LAMA1: variants seen among roughly 807,000 people sequenced by gnomAD.
The protein encoded by LAMA1 is laminin subunit alpha 1, also known as laminin subunit alpha-1.
In LAMA1, 219 loss-of-function variants were observed where a neutral mutation model predicts 348.7. The observed-to-expected ratio is 0.63, with a 90% CI of 0.56 to 0.70. The LOEUF is 0.70. LAMA1 is among the 30% of genes least tolerant of loss of function. The pLI, the probability that LAMA1 is intolerant of heterozygous loss-of-function variation, is 0.00. For synonymous variants in LAMA1, 1,487 were observed against 1,491.0 expected (o/e 1.00, Z 0.06); for missense variants, 3,744 against 3,888.0 (o/e 0.96, Z 0.99).
At chr18:7,079,900 A>T in intron 3 of LAMA1, 75 bp downstream of exon 3, 2 of 1,068,168 alleles carry the variant, frequency 1.9e-6, no homozygotes, top group Non-Finnish European at 2.9e-6. Flanking sequence ...AAGAAGCCAG[A>T]CTTTCCCAAA....
chr18:7,050,936 C>T lies in LAMA1; in HGVS notation c.346G>A (p.Val116Ile). 2 of 1,614,032 alleles carry T rather than the reference C, an allele frequency of 1.2e-6. No individual in the cohort carries two copies. The highest frequency in any genetic ancestry group is 1.7e-6 in the Non-Finnish European group (2 of 1,180,000). ...WVTITLDLRQ[V>I]FQVAYVIIKA... ...ATGATGACATATGCAACTTGAAAGA[C>T]CTGAAACAAAGACACTGAAAAGTCT... The change falls in exon 4 of 63, where the codon GTC (valine) becomes ATC (isoleucine). Residue 116 changes from valine to isoleucine, a missense_variant and splice_region_variant. Around this residue, in one of 3 missense-constraint regions of LAMA1, gnomAD observed 1,529 missense variants for 1,689.4 expected, o/e 0.91. Transcript: ENST00000389658.
intron 26 of LAMA1, 67 bp from the exon 27 acceptor site, chr18:7,009,433 A>G: frequency 6.5e-7 from 1 of 1,546,386 alleles, no homozygotes; most frequent in Non-Finnish European, 8.9e-7. Context: ...AAACTTATAA[A>G]GAATAAATTC....
chr18:7,037,553 T>C, intron 12 of LAMA1, 25 bp downstream of exon 12: 1 of 1,613,384 alleles, frequency 6.2e-7, no homozygotes, highest in Middle Eastern at 1.7e-4. Context: ...ATCTGAGACA[T>C]CGCTACCTGC....
In LAMA1 at chr18:6,975,952, G is replaced by A. The variant is rs370095492; in HGVS notation, c.6474C>T (p.Leu2158=). 2.7e-4 allele frequency: 437 copies of A among 1,614,080 alleles called. 5 individuals carry two copies. The South Asian group carries it at 3.9e-3, about 14-fold the overall frequency. ...TQEPDNLLFY[L]GSSTASDFLA... is the part of the protein sequence containing the mutation. ...CATAACTTACAGCGGTGCTGCTACC[G>A]AGGTAGAAGAGAAGATTATCGGGTT... The change falls in exon 45 of 63, where the codon CTC becomes CTT. Residue 2158 remains leucine, a synonymous_variant. Coordinates refer to ENST00000389658, the MANE Select transcript of LAMA1 (RefSeq NM_005559.4).
chr18:6,971,242 G>T (rs946355440), intron 48 of LAMA1, among the ~76,000 whole-genome samples: 1 of 152,152 alleles, frequency 6.6e-6, no homozygotes, highest in Non-Finnish European at 1.5e-5. Flanking sequence ...TGTTGCACTT[G>T]GTAAGGTTAA....
At chr18:6,977,258 G>A (rs1310708272) in intron 44 of LAMA1, among the ~76,000 whole-genome samples, 1 of 152,168 alleles carries the variant, frequency 6.6e-6, no homozygotes, top group African/African-American at 2.4e-5. Flanking sequence ...AGCCTTCGTT[G>A]CATACAAACT....
At position 6,999,897 on chromosome 18, in the gene LAMA1, A is replaced by G; in HGVS notation, c.4469+14T>C. 1 of 1,610,136 alleles carries G rather than the reference A, an allele frequency of 6.2e-7. No individual in the cohort carries two copies. Among genetic ancestry groups the G allele is most frequent in the Non-Finnish European group, 8.5e-7 (1 of 1,176,346 alleles). The stretch of plus-strand genomic sequence containing the variant: ...AGTGCCCAGGGATTTCCACATGACA[A>G]TCCACCCATGTACCTTTCACAGTGT... On this transcript the variant is annotated intron_variant, in intron 31 of 62. Transcript: ENST00000389658.
chr18:6,943,430 T>G, intron 61 of LAMA1, 28 bp from the exon 62 acceptor site: 2 of 1,590,706 alleles, frequency 1.3e-6, no homozygotes, highest in Non-Finnish European at 1.7e-6. Flanking sequence ...GGTGAGTTTT[T>G]GTGTATTTAA....
At position 7,112,625 on chromosome 18, in the gene LAMA1, T is replaced by TTA. The variant is rs202068601; in HGVS notation, c.61+5033_61+5034dup. 6.6e-3 allele frequency among the ~76,000 whole-genome samples: 926 copies of TTA among 140,862 alleles called. 3 individuals carry two copies. The highest frequency in any genetic ancestry group is 0.011 in the African/African-American group (404 of 36,662). 92.4% of individuals were successfully genotyped at this position (140,862 alleles called of 152,430 possible). ...ATATATATACACACATATATGTATTTTATATATATATATACATTTTTTTTT... is the reference window on the plus strand; with the variant it reads ...ATATATATACACACATATATGTATTTTATATATATATATATACATTTTTTTTT... On this transcript the variant is annotated intron_variant, in intron 1 of 62. Transcript: ENST00000389658.
intron 59 of LAMA1, 111 bp downstream of exon 59, chr18:6,948,990 C>T (rs965095181): frequency 7.2e-7 from 1 of 1,386,126 alleles, no homozygotes; most frequent in African/African-American, 1.4e-5. Flanking sequence ...TTCACAAGCC[C>T]CAGGTTCAAA....
At chr18:7,074,967 C>CAAAAAAAAAAAAAAAAAAAAAAAA (rs773818069) in intron 3 of LAMA1, among the ~76,000 whole-genome samples, 3 of 52,258 alleles carry the variant, frequency 5.7e-5, no homozygotes, top group Non-Finnish European at 9.9e-5. Context: ...TACATAGAGG[C>CAAAAAAAAAAAAAAAAAAAAAAAA]AAAAAAAAAA....
At chr18:7,048,979 G>T in intron 5 of LAMA1, 99 bp downstream of exon 5, 1 of 1,186,886 alleles carries the variant, frequency 8.4e-7, no homozygotes, top group South Asian at 1.3e-5. Flanking sequence ...CAACATGTCG[G>T]GGAAAGAACA....
In LAMA1 at chr18:6,983,228, A is replaced by G. The variant is rs1413064197; in HGVS notation, c.5667T>C (p.Leu1889=). Residue 1889 remains leucine (L), a synonymous_variant, in exon 40 of 63, where the codon CTT becomes CTC. Transcript: ENST00000389658. ...QRLADVLYSG[L]ENIRNVSLNA... ...TCAGGGACACATTTCTGATGTTTTC[A>G]AGGCCACTATCAAAGCAGCATATTT... 12 of 1,614,098 alleles carry G rather than the reference A, an allele frequency of 7.4e-6. No homozygotes were observed. Among genetic ancestry groups the G allele is most frequent in the Non-Finnish European group, 1.0e-5 (12 of 1,180,036 alleles).
intron 29 of LAMA1, among the ~76,000 whole-genome samples, chr18:7,003,479 C>T (rs557199746): frequency 5.3e-5 from 8 of 152,044 alleles, no homozygotes; most frequent in East Asian, 1.9e-4. Flanking sequence ...AGGATGGTCT[C>T]GATCTCCTGA....
intron 29 of LAMA1, among the ~76,000 whole-genome samples, chr18:7,006,853 G>C (rs753415308): frequency 2.0e-5 from 3 of 152,138 alleles, no homozygotes; most frequent in Non-Finnish European, 4.4e-5. Context: ...TCCTATATGT[G>C]ATCTGTTGTT....
chr18:7,072,224 G>C (rs898961), intron 3 of LAMA1, among the ~76,000 whole-genome samples: 2 of 152,038 alleles, frequency 1.3e-5, no homozygotes, highest in East Asian at 3.8e-4. Flanking sequence ...ATTAAGGCCT[G>C]GTTTAACATT....
At position 6,975,055 on chromosome 18, in the gene LAMA1, A is replaced by G; in HGVS notation, c.6490-19T>C. 4 of 1,611,916 alleles carry G rather than the reference A, an allele frequency of 2.5e-6. No individual in the cohort carries two copies. In the South Asian group the frequency reaches 3.3e-5, roughly 13 times the overall value. On this transcript the variant is annotated intron_variant, in intron 45 of 62. Coordinates refer to ENST00000389658, the MANE Select transcript of LAMA1 (RefSeq NM_005559.4). ...AATCAGACTGGGGGGCGAGGAATGA[A>G]CGGGGATCAGTTTACACACTGGACT...
chr18:7,000,889 G>T (rs1041357502), intron 30 of LAMA1, among the ~76,000 whole-genome samples: 2 of 152,154 alleles, frequency 1.3e-5, no homozygotes, highest in African/African-American at 4.8e-5. Context: ...AAAATAAAGC[G>T]TGTGTTTTAG....
rs149753863 is a variant in LAMA1 at position 7,009,294 on chromosome 18, C to T, written c.3946G>A (p.Asp1316Asn). ...TREDFMSVLS[D>N]IEYILIKASY... ...GCCTTGATGAGGATGTACTCAATAT[C>T]GCTGAGGACAGACATAAAATCCTCT... Residue 1316 changes from aspartate (D) to asparagine (N), a missense_variant, in exon 27 of 63, where the codon GAT (aspartate) becomes AAT (asparagine). Physicochemically the swap from Asp to Asn is conservative, Grantham distance 23. Around this residue, in one of 3 missense-constraint regions of LAMA1, gnomAD observed 1,983 missense variants for 1,934.3 expected, o/e 1.03. Coordinates refer to ENST00000389658, the MANE Select transcript of LAMA1 (RefSeq NM_005559.4). 3,514 of 1,613,450 alleles carry T rather than the reference C, an allele frequency of 2.2e-3. 7 individuals carry two copies. Among genetic ancestry groups the T allele is most frequent in the Non-Finnish European group, 2.7e-3 (3,154 of 1,179,420 alleles).
Sources: gnomAD v4.1 joint callset for allele counts (sites outside exome capture counted in the v4.1 genomes callset) on GRCh38, gnomAD v4.1.1 for gene constraint, gnomAD v4.1.1 regional missense constraint, MANE v1.5 for transcripts, NCBI Gene and HGNC (gene_info 2026-07-23, HGNC 2026-07-21) for gene names.